Variants in EIF3M observed in about 807,000 individuals in gnomAD.
EIF3M encodes B5 receptor.
In EIF3M, 25 loss-of-function variants were observed where a neutral mutation model predicts 49.7. The observed-to-expected ratio is 0.50, with a 90% CI of 0.37 to 0.70. The LOEUF (loss-of-function observed/expected upper bound fraction) is 0.70. Ranked by LOEUF, EIF3M falls within the 30% of genes least tolerant of loss-of-function variation. The pLI is 0.00. For missense variants in EIF3M, 350 were observed against 440.0 expected (o/e 0.80, Z 1.83); for synonymous variants, 156 against 149.8 (o/e 1.04, Z -0.30).
rs756103511 is a variant in EIF3M at position 32,595,012 on chromosome 11, A to G, written c.716A>G (p.Asp239Gly). ...TTTTTGGAAGGCGAGCTTATTCATG[A>G]TGTAAGTAGTTTATCCTTTAATGTG... is the stretch of plus-strand genomic sequence containing the variant. ...VKFLEGELIH[D>G]LLTIFVSAKL... Residue 239 changes from aspartate (D) to glycine (G), a missense_variant and splice_region_variant, in exon 7 of 11, where the codon GAT becomes GGT. By Grantham distance (94) the Asp-to-Gly change is moderately conservative (BLOSUM62 -1). Transcript: ENST00000531120. The G allele has an allele frequency of 1.2e-6, 2 of 1,612,114 alleles. No individual in the cohort carries two copies. The highest frequency in any genetic ancestry group is 8.5e-7 in the Non-Finnish European group (1 of 1,179,294).
chr11:32,592,086 A>C (rs549187265), intron 5 of EIF3M: 1 of 288,626 alleles, frequency 3.5e-6, no homozygotes, highest in Non-Finnish European at 6.7e-6. Context: ...ATATCCAGCA[A>C]CCCCTCCTCC....
At chr11:32,592,372 T>A (rs1855117254) in intron 5 of EIF3M, 1 of 553,336 alleles carries the variant, frequency 1.8e-6, no homozygotes, top group Admixed American at 2.0e-5. Context: ...CTCCTGTAAC[T>A]TCTGTGGTTT....
At position 32,602,598 on chromosome 11, in the gene EIF3M, A is replaced by G; in HGVS notation, c.*199A>G. On this transcript the variant is annotated 3_prime_UTR_variant, in exon 11 of 11. Coordinates refer to ENST00000531120, the MANE Select transcript of EIF3M (RefSeq NM_006360.6). Reference sequence around the variant, plus strand: ...TACAATACATAAATTCTGTTCTTTAAAAAAGGATATTGAAGAAGCAATGAG... The same window carrying G: ...TACAATACATAAATTCTGTTCTTTAGAAAAGGATATTGAAGAAGCAATGAG... 2 of 799,544 alleles carry G rather than the reference A, an allele frequency of 2.5e-6. No homozygotes were observed. Among genetic ancestry groups the G allele is most frequent in the Non-Finnish European group, 3.8e-6 (2 of 528,018 alleles). The allele number at this position is 799,544 out of a possible 1,614,324, so 49.5% of individuals were successfully genotyped here.
chr11:32,590,942 C>T (rs998866234), intron 5 of EIF3M, among the ~76,000 whole-genome samples: 2 of 152,028 alleles, frequency 1.3e-5, no homozygotes, highest in African/African-American at 4.8e-5. Flanking sequence ...GCTCCACCTC[C>T]CGGGTTCATG....
In EIF3M at chr11:32,603,072, A is replaced by T; in HGVS notation, c.*673A>T. 6.9e-7 allele frequency: 1 copy of T among 1,444,074 alleles called. No individual in the cohort carries two copies. Among genetic ancestry groups the T allele is most frequent in the Non-Finnish European group, 9.5e-7 (1 of 1,054,130 alleles). 89.5% of individuals were successfully genotyped at this position (1,444,074 alleles called of 1,614,324 possible). A position where few individuals can be genotyped will look rare whatever the true frequency, so the allele number is the denominator to read the frequency against. On this transcript the variant is annotated 3_prime_UTR_variant, in exon 11 of 11. Transcript: ENST00000531120. ...TCGAAATTATTATACAAAAGATTTT[A>T]AAGAGTCTGTAAAGCCTCTGCAGTT...
chr11:32,592,052 G>T, intron 5 of EIF3M: 1 of 273,236 alleles, frequency 3.7e-6, no homozygotes, highest in Non-Finnish European at 7.2e-6. Context: ...TGCGGTAGTT[G>T]CCACCATCAC....
rs1020269848 is a variant in EIF3M at position 32,605,139 on chromosome 11, A to G, written c.*2740A>G. ...AGTGTTGGGATTACAGGCATGAGCC[A>G]CCCTGCCCGACCTAGTAATACTTTT... On this transcript the variant is annotated 3_prime_UTR_variant, in exon 11 of 11. Transcript: ENST00000531120. The G allele has an allele frequency of 7.3e-6, 1 of 137,480 alleles. No individual in the cohort carries two copies. The highest frequency in any genetic ancestry group is 7.7e-5 in the Admixed American group (1 of 13,006). The allele number at this position is 137,480 out of a possible 1,614,324, so 8.5% of individuals were successfully genotyped here.
chr11:32,593,794 C>A, intron 5 of EIF3M, 72 bp from the exon 6 acceptor site: 1 of 1,029,682 alleles, frequency 9.7e-7, no homozygotes, highest in Non-Finnish European at 1.3e-6. Flanking sequence ...ACAGTACCTG[C>A]CTCTTAAAAA....
chr11:32,603,103 T>C lies in EIF3M; in HGVS notation c.*704T>C. On this transcript the variant is annotated 3_prime_UTR_variant, in exon 11 of 11. Coordinates refer to ENST00000531120, the MANE Select transcript of EIF3M (RefSeq NM_006360.6). ...TCTGTAAAGCCTCTGCAGTTATGAG[T>C]ATGTGGTAAAACCACCATCTCTTGG... 8.7e-7 allele frequency: 1 copy of C among 1,145,410 alleles called. No homozygotes were observed. Among genetic ancestry groups the C allele is most frequent in the East Asian group, 2.4e-5 (1 of 42,052 alleles). The allele number at this position is 1,145,410 out of a possible 1,614,324, so 71.0% of individuals were successfully genotyped here. A position where few individuals can be genotyped will look rare whatever the true frequency, so the allele number is the denominator to read the frequency against.
intron 4 of EIF3M, 132 bp downstream of exon 4, chr11:32,589,267 C>G: frequency 7.3e-7 from 1 of 1,369,328 alleles, no homozygotes. Flanking sequence ...ACCTCCGCCT[C>G]CAGGGTTCAA....
At chr11:32,593,476 G>A (rs1855133177) in intron 5 of EIF3M, among the ~76,000 whole-genome samples, 1 of 152,044 alleles carries the variant, frequency 6.6e-6, no homozygotes, top group Admixed American at 6.6e-5. Context: ...CCTCTGCTTG[G>A]AAAGTCATCT....
Position 32,600,707 on chromosome 11 carries a change from A to G in EIF3M, c.818A>G (p.Asn273Ser), listed in dbSNP as rs757172794. The change falls in exon 9 of 11, where the codon AAT becomes AGT. Residue 273 changes from asparagine (N) to serine (S), a missense_variant. Transcript: ENST00000531120. ...TTTCTAGGCCTGTTACATGAACAGA[A>G]TATGGCAAAAATGAGACTACTTACT... ...IDSLGLLHEQ[N>S]MAKMRLLTFM... 3 of 1,610,616 alleles carry G rather than the reference A, an allele frequency of 1.9e-6. No individual in the cohort carries two copies. The highest frequency in any genetic ancestry group is 1.1e-5 in the South Asian group (1 of 90,596).
intron 8 of EIF3M, among the ~76,000 whole-genome samples, chr11:32,600,465 A>G (rs1414438728): frequency 1.3e-5 from 2 of 151,984 alleles, no homozygotes; most frequent in African/African-American, 4.8e-5. Context: ...CTTTGAATCT[A>G]TCACCTATGG....
chr11:32,594,860 A>G, intron 6 of EIF3M, 54 bp from the exon 7 acceptor site: 1 of 1,533,624 alleles, frequency 6.5e-7, no homozygotes, highest in South Asian at 1.2e-5. Context: ...CAAAAACTCA[A>G]TGAAAAGCCA....
intron 8 of EIF3M, among the ~76,000 whole-genome samples, chr11:32,596,531 G>A (rs1855181310): frequency 1.3e-5 from 2 of 151,230 alleles, no homozygotes; most frequent in African/African-American, 4.9e-5. Context: ...GGAGATGGAG[G>A]CGGAGGTTGC....
rs752830628 is a variant in EIF3M, at chr11:32,588,617, G to A, written c.199G>A (p.Val67Met). 5 of 1,612,858 alleles carry A rather than the reference G, an allele frequency of 3.1e-6. No individual in the cohort carries two copies. In the South Asian group the frequency reaches 4.4e-5, roughly 14 times the overall value. Residue 67 changes from valine to methionine, a missense_variant, in exon 3 of 11, where the codon GTG (valine) becomes ATG (methionine). Coordinates refer to ENST00000531120, the MANE Select transcript of EIF3M (RefSeq NM_006360.6). Reference protein sequence around the residue: ...DKDVESVMNSVVSLLLILEPD... With the variant: ...DKDVESVMNSMVSLLLILEPD... ...AGATGTTGAAAGTGTGATGAACAGT[G>A]TGGTATCCCTACTCTTGATCCTGGA...
chr11:32,603,231 T>TAA lies in EIF3M; in HGVS notation c.*834_*835dup. On this transcript the variant is annotated 3_prime_UTR_variant, in exon 11 of 11. Transcript: ENST00000531120. Reference sequence around the variant, plus strand: ...CAAAATCTCTAATATATAACTGAAGTAAAGTGTACAAAAACTGCCTTTTAC... The same window carrying TAA: ...CAAAATCTCTAATATATAACTGAAGTAAAAAGTGTACAAAAACTGCCTTTTAC... 1 of 451,700 alleles carries TAA rather than the reference T, an allele frequency of 2.2e-6. No homozygotes were observed. The highest frequency in any genetic ancestry group is 3.9e-6 in the Non-Finnish European group (1 of 257,572). The allele number at this position is 451,700 out of a possible 1,614,324, so 28.0% of individuals were successfully genotyped here.
At chr11:32,586,967 C>G in intron 1 of EIF3M, 45 bp from the exon 2 acceptor site, 4 of 1,501,342 alleles carry the variant, frequency 2.7e-6, no homozygotes, top group Non-Finnish European at 3.6e-6. Context: ...TGAGATTGTG[C>G]TTTGTCATTC....
At chr11:32,590,450 C>T (rs1024325013) in intron 5 of EIF3M, among the ~76,000 whole-genome samples, 3 of 152,188 alleles carry the variant, frequency 2.0e-5, no homozygotes, top group Non-Finnish European at 4.4e-5. Context: ...ACACCCCTCT[C>T]ATATTTCGGT....
Sources: gnomAD v4.1 joint callset for allele counts (sites outside exome capture counted in the v4.1 genomes callset) on GRCh38, gnomAD v4.1.1 for gene constraint, MANE v1.5 for transcripts, NCBI Gene and HGNC (gene_info 2026-07-23, HGNC 2026-07-21) for gene names.